ZBTB20: variants seen among roughly 807,000 people sequenced by gnomAD.
The protein encoded by ZBTB20 is zinc finger and BTB domain containing 20.
ZBTB20 carries 9 observed loss-of-function variants against 56.9 expected under a neutral mutation model. The observed-to-expected ratio is 0.16, with a 90% CI of 0.10 to 0.28. The LOEUF is 0.28. Ranked by LOEUF, ZBTB20 falls within the 10% of genes least tolerant of loss-of-function variation. ZBTB20 has a pLI of 1.00. For synonymous variants in ZBTB20, 417 were observed against 420.7 expected, an observed-to-expected ratio of 0.99 and a Z score of 0.11; for missense variants, 655 against 1,003.0, an observed-to-expected ratio of 0.65 and a Z score of 4.69.
chr3:114,912,999 T>C (rs2075602688), intron 3 of ZBTB20, among the ~76,000 whole-genome samples: 1 of 152,054 alleles, frequency 6.6e-6, no homozygotes, highest in South Asian at 2.1e-4. Context: ...GACACTTAGG[T>C]TGCTACCAAA....
rs917800227 is a variant in ZBTB20 at position 114,949,125 on chromosome 3, T to C, written c.-456+25241A>G. ...GAGTCCAGAAATATGTCCATGAATATGTAGGCAGTACATTTATAATAAAGT... is the reference window on the plus strand; with the variant it reads ...GAGTCCAGAAATATGTCCATGAATACGTAGGCAGTACATTTATAATAAAGT... On this transcript the variant is annotated intron_variant, in intron 3 of 11. Coordinates refer to ENST00000675478, the MANE Select transcript of ZBTB20 (RefSeq NM_001348800.3). Among the ~76,000 whole-genome samples, 9 of 146,320 alleles carry C rather than the reference T, an allele frequency of 6.2e-5. 2 individuals are homozygous for C. The South Asian group carries it at 6.4e-4, about 10-fold the overall frequency.
At chr3:114,853,987 T>C (rs1259335476) in intron 4 of ZBTB20, among the ~76,000 whole-genome samples, 1 of 152,216 alleles carries the variant, frequency 6.6e-6, no homozygotes, top group Non-Finnish European at 1.5e-5. Flanking sequence ...AACTTTAAGA[T>C]GAAAATCTTT....
intron 1 of ZBTB20, among the ~76,000 whole-genome samples, chr3:115,129,936 T>C (rs1576822364): frequency 6.6e-6 from 1 of 152,310 alleles, no homozygotes; most frequent in African/African-American, 2.4e-5. Context: ...TAATATGTTC[T>C]ATTGCTGACA....
At position 114,469,804 on chromosome 3, in the gene ZBTB20, C is replaced by T. The variant is rs111572347; in HGVS notation, c.-255+30548G>A. On this transcript the variant is annotated intron_variant, in intron 7 of 11. Coordinates refer to ENST00000675478, the MANE Select transcript of ZBTB20 (RefSeq NM_001348800.3). ...CTCTCTTATCATGATGTTCAAATTG[C>T]CTCAAATCACTAACTGCATGGACAG... 3.2e-3 allele frequency among the ~76,000 whole-genome samples: 488 copies of T among 152,210 alleles called. 2 individuals are homozygous for T. The highest frequency in any genetic ancestry group is 0.011 in the African/African-American group (457 of 41,528).
At chr3:114,521,790 T>C (rs2046669082) in intron 6 of ZBTB20, among the ~76,000 whole-genome samples, 1 of 152,182 alleles carries the variant, frequency 6.6e-6, no homozygotes, top group African/African-American at 2.4e-5. Context: ...TGGATAAGCC[T>C]GCATAAAGCA....
Position 114,319,559 on chromosome 3 carries a change from G to A in ZBTB20, c.*19446C>T, listed in dbSNP as rs2078817984. On this transcript the variant is annotated 3_prime_UTR_variant, in exon 12 of 12. Coordinates refer to ENST00000675478, the MANE Select transcript of ZBTB20 (RefSeq NM_001348800.3). ...TTCCCTTTACTGTGCATTTGTATGG[G>A]TAAACGGGCCAGTTTGGTATTGGGG... 6.6e-6 allele frequency: 1 copy of A among 152,160 alleles called. No homozygotes were observed. Among genetic ancestry groups the A allele is most frequent in the Admixed American group, 6.5e-5 (1 of 15,268 alleles). The allele number at this position is 152,160 out of a possible 1,614,324, so 9.4% of individuals were successfully genotyped here.
chr3:114,381,351 T>G (rs1346853103), intron 8 of ZBTB20, among the ~76,000 whole-genome samples: 1 of 152,122 alleles, frequency 6.6e-6, no homozygotes, highest in African/African-American at 2.4e-5. Context: ...AATTGTTATA[T>G]GGGGTCAGGA....
intron 7 of ZBTB20, among the ~76,000 whole-genome samples, chr3:114,422,132 A>G (rs1361321411): frequency 6.6e-6 from 1 of 152,172 alleles, no homozygotes; most frequent in Non-Finnish European, 1.5e-5. Context: ...CTACGGCATG[A>G]TAGAGGGTAA....
intron 6 of ZBTB20, among the ~76,000 whole-genome samples, chr3:114,638,124 G>T (rs1036717227): frequency 6.6e-6 from 1 of 152,074 alleles, no homozygotes; most frequent in Non-Finnish European, 1.5e-5. Context: ...TAGCAAAGAA[G>T]GGTGGCCTAG....
chr3:114,530,142 C>T (rs899039460), intron 6 of ZBTB20, among the ~76,000 whole-genome samples: 1 of 152,194 alleles, frequency 6.6e-6, no homozygotes, highest in Non-Finnish European at 1.5e-5. Flanking sequence ...ATAAAGTCTA[C>T]AGGAGTATAC....
chr3:114,999,040 GA>G (rs1188796652), intron 2 of ZBTB20, among the ~76,000 whole-genome samples: 1 of 136,844 alleles, frequency 7.3e-6, no homozygotes, highest in Non-Finnish European at 1.6e-5. Context: ...GGAGGGGAGG[GA>G]AAAGGAGGGG....
At chr3:114,464,518 T>C (rs368192662) in intron 7 of ZBTB20, among the ~76,000 whole-genome samples, 67 of 152,216 alleles carry the variant, frequency 4.4e-4, no homozygotes, top group African/African-American at 1.4e-3. Flanking sequence ...TAAACATAAA[T>C]ATGCACTCTC....
At chr3:114,551,462 C>T (rs1237574924) in intron 6 of ZBTB20, among the ~76,000 whole-genome samples, 1 of 152,104 alleles carries the variant, frequency 6.6e-6, no homozygotes, top group Non-Finnish European at 1.5e-5. Context: ...ATATACAAGT[C>T]AATGACTTTC....
chr3:114,718,367 A>G (rs908761277), intron 5 of ZBTB20, among the ~76,000 whole-genome samples: 1 of 152,246 alleles, frequency 6.6e-6, no homozygotes, highest in East Asian at 1.9e-4. Context: ...TAAGAATACA[A>G]GATATATTCT....
chr3:114,363,686 G>A lies in ZBTB20; in HGVS notation c.200-11808C>T, dbSNP rs559746760. 3.3e-5 allele frequency among the ~76,000 whole-genome samples: 5 copies of A among 152,310 alleles called. No homozygotes were observed. The East Asian group carries it at 9.6e-4, about 29-fold the overall frequency. ...AGAAACTGTACATGAGATAGATTTA[G>A]GGCATTACTAGTATTCTAATTGAGG... On this transcript the variant is annotated intron_variant, in intron 10 of 11. Coordinates refer to ENST00000675478, the MANE Select transcript of ZBTB20 (RefSeq NM_001348800.3).
At chr3:114,720,833 T>C (rs540252697) in intron 5 of ZBTB20, among the ~76,000 whole-genome samples, 2 of 152,176 alleles carry the variant, frequency 1.3e-5, no homozygotes, top group Non-Finnish European at 2.9e-5. Flanking sequence ...TTAATATCTA[T>C]TTGTTGGGAT....
intron 4 of ZBTB20, among the ~76,000 whole-genome samples, chr3:114,860,231 C>T (rs934322319): frequency 4.0e-5 from 6 of 151,820 alleles, no homozygotes; most frequent in African/African-American, 7.3e-5. Context: ...CGCTTGAAAC[C>T]GGGAGGTGGA....
chr3:115,031,800 A>G (rs2080693938), intron 2 of ZBTB20, among the ~76,000 whole-genome samples: 1 of 151,476 alleles, frequency 6.6e-6, no homozygotes, highest in African/African-American at 2.4e-5. Context: ...AATGGGTAAA[A>G]TTGTACTGAA....
intron 6 of ZBTB20, among the ~76,000 whole-genome samples, chr3:114,665,847 GCCATGGAAGCTTT>G (rs1266464556): frequency 6.6e-6 from 1 of 152,000 alleles, no homozygotes; most frequent in Admixed American, 6.6e-5. Context: ...GTGACTGACT[GCCATGGAAGCTTT>G]CTAATAAGTC....
Sources: allele counts gnomAD v4.1 joint callset (sites outside exome capture counted in the v4.1 genomes callset), GRCh38; gene constraint gnomAD v4.1.1; transcripts MANE v1.5; gene names NCBI Gene and HGNC (gene_info 2026-07-23, HGNC 2026-07-21).